The following UNC79 variants were observed in gnomAD, a reference collection of about 807,000 sequenced individuals.
UNC79 encodes the protein protein unc-79 homolog.
UNC79 carries 37 observed loss-of-function variants against 283.1 expected under a neutral mutation model. The ratio of observed to expected loss-of-function variants is 0.13; its 90% confidence interval spans 0.10 to 0.17. The LOEUF is 0.17. Ranked by LOEUF, UNC79 falls within the 10% of genes least tolerant of loss-of-function variation. The probability of loss-of-function intolerance (pLI) is 1.00; values close to 1 mark genes in which losing one functional copy is unlikely to be tolerated. For synonymous variants in UNC79, 1,107 were observed against 1,200.2 expected (o/e 0.92, Z 1.61); for missense variants, 2,272 against 3,211.1 (o/e 0.71, Z 7.07).
chr14:93,619,862 A>G (rs2066995319), intron 29 of UNC79, among the ~76,000 whole-genome samples: 1 of 152,256 alleles, frequency 6.6e-6, no homozygotes, highest in Non-Finnish European at 1.5e-5. Flanking sequence ...ATTCAACTTG[A>G]ATAGTAGGTA....
At chr14:93,663,346 T>G (rs2071804817) in intron 40 of UNC79, among the ~76,000 whole-genome samples, 1 of 152,222 alleles carries the variant, frequency 6.6e-6, no homozygotes, top group African/African-American at 2.4e-5. Context: ...GATGCTGTCC[T>G]AATGGAAAAT....
intron 1 of UNC79, among the ~76,000 whole-genome samples, chr14:93,346,086 A>G (rs899362102): frequency 6.6e-6 from 1 of 151,898 alleles, no homozygotes; most frequent in Non-Finnish European, 1.5e-5. Context: ...AGACCAATAT[A>G]TATATATTTT....
intron 1 of UNC79, among the ~76,000 whole-genome samples, chr14:93,415,628 C>T (rs531733446): frequency 0.014 from 2,056 of 151,698 alleles, 50 homozygotes; most frequent in African/African-American, 0.048. Flanking sequence ...TGGTAGAATT[C>T]GGCTGTGAAT....
At chr14:93,335,402 A>G (rs1296269732) in intron 1 of UNC79, among the ~76,000 whole-genome samples, 1 of 152,260 alleles carries the variant, frequency 6.6e-6, no homozygotes, top group Non-Finnish European at 1.5e-5. Context: ...GCACGGTACT[A>G]CATGCTGGGG....
At chr14:93,347,984 C>A in intron 1 of UNC79, 1 of 1,191,824 alleles carries the variant, frequency 8.4e-7, no homozygotes, top group Non-Finnish European at 1.3e-6. Context: ...AAGTCACTGG[C>A]CTAGGAAGCC....
intron 7 of UNC79, among the ~76,000 whole-genome samples, chr14:93,507,515 T>G (rs1159181073): frequency 6.6e-6 from 1 of 152,202 alleles, no homozygotes; most frequent in Admixed American, 6.5e-5. Context: ...TCCTATATCT[T>G]ATGAAGTACC....
intron 1 of UNC79, among the ~76,000 whole-genome samples, chr14:93,417,897 A>G (rs2055499275): frequency 6.6e-6 from 1 of 151,398 alleles, no homozygotes; most frequent in South Asian, 2.2e-4. Context: ...ACTTGTCTGT[A>G]TTGGTTATTC....
chr14:93,434,836 T>TATCATC (rs543953329), intron 1 of UNC79, among the ~76,000 whole-genome samples: 1 of 152,194 alleles, frequency 6.6e-6, no homozygotes, highest in African/African-American at 2.4e-5. Flanking sequence ...TAACAATTAT[T>TATCATC]ATCATCATCA....
In UNC79 at chr14:93,615,674, T is replaced by C. The variant is rs542153026; in HGVS notation, c.4042-1448T>C. Among the ~76,000 whole-genome samples, 314 of 128,396 alleles carry C rather than the reference T, an allele frequency of 2.4e-3. 3 individuals are homozygous for C. Among genetic ancestry groups the C allele is most frequent in the African/African-American group, 9.4e-3 (301 of 31,878 alleles). The allele number at this position is 128,396 out of a possible 152,430, so 84.2% of individuals were successfully genotyped here. On this transcript the variant is annotated intron_variant, in intron 27 of 48. Coordinates refer to ENST00000555664, the Ensembl canonical transcript of UNC79. ...GAGGTAGAGTTGCAGTGAGCCAAGA[T>C]TGCACCACTAAACTCCAGCCTGGGT...
At chr14:93,603,178 A>AAAACAATT in intron 25 of UNC79, 61 bp from the exon 26 acceptor site, 1 of 1,563,156 alleles carries the variant, frequency 6.4e-7, no homozygotes, top group Non-Finnish European at 8.7e-7. Context: ...GTTTTAGACT[A>AAAACAATT]GGTGGATTAC....
chr14:93,548,960 A>C (rs2061737281), intron 14 of UNC79, among the ~76,000 whole-genome samples: 1 of 152,192 alleles, frequency 6.6e-6, no homozygotes, highest in Admixed American at 6.5e-5. Flanking sequence ...AAATTTTGTG[A>C]ATATACAATC....
intron 8 of UNC79, among the ~76,000 whole-genome samples, chr14:93,524,923 C>G (rs563733317): frequency 6.6e-6 from 1 of 152,124 alleles, no homozygotes; most frequent in Admixed American, 6.5e-5. Context: ...AAACCAAATA[C>G]TAATAGAAAA....
intron 26 of UNC79, among the ~76,000 whole-genome samples, chr14:93,606,077 C>A (rs1440427214): frequency 6.6e-6 from 1 of 152,244 alleles, no homozygotes; most frequent in East Asian, 1.9e-4. Context: ...TGTTCTTAGT[C>A]AGTTTCATAA....
intron 1 of UNC79, among the ~76,000 whole-genome samples, chr14:93,449,485 G>A (rs1269298507): frequency 6.6e-6 from 1 of 152,008 alleles, no homozygotes; most frequent in East Asian, 1.9e-4. Flanking sequence ...AGGTGTGATG[G>A]TGCATGCCTT....
At chr14:93,382,228 A>T (rs1005444843) in intron 1 of UNC79, among the ~76,000 whole-genome samples, 1 of 152,178 alleles carries the variant, frequency 6.6e-6, no homozygotes, top group Non-Finnish European at 1.5e-5. Flanking sequence ...ATTGCCTGAG[A>T]TATTTCCACC....
intron 35 of UNC79, among the ~76,000 whole-genome samples, chr14:93,647,094 A>G (rs1250549158): frequency 1.3e-5 from 2 of 152,344 alleles, no homozygotes; most frequent in Middle Eastern, 3.4e-3. Flanking sequence ...CATGAAGCCA[A>G]TGTGAATAAA....
intron 7 of UNC79, among the ~76,000 whole-genome samples, chr14:93,500,046 A>C (rs1595662510): frequency 6.6e-6 from 1 of 152,050 alleles, no homozygotes; most frequent in African/African-American, 2.4e-5. Flanking sequence ...AGGAGTTTGG[A>C]TTTTATCCTA....
At chr14:93,582,873 G>A (rs1566704512) in intron 20 of UNC79, among the ~76,000 whole-genome samples, 1 of 152,082 alleles carries the variant, frequency 6.6e-6, no homozygotes, top group Non-Finnish European at 1.5e-5. Context: ...TCTCACATGA[G>A]GACGTTTAGG....
At chr14:93,600,839 A>G in intron 25 of UNC79, 69 bp downstream of exon 25, 1 of 1,542,032 alleles carries the variant, frequency 6.5e-7, no homozygotes, top group Non-Finnish European at 8.8e-7. Context: ...CAAACAGAAG[A>G]CATTGGCATG....
Sources: allele counts gnomAD v4.1 joint callset (sites outside exome capture counted in the v4.1 genomes callset), GRCh38; gene constraint gnomAD v4.1.1; transcripts MANE v1.5; gene names NCBI Gene and HGNC (gene_info 2026-07-23, HGNC 2026-07-21).